The following DIS3L2 variants were observed in gnomAD, a reference collection of about 807,000 sequenced individuals.
DIS3L2 encodes the protein DIS3 like 3'-5' exoribonuclease 2.
A neutral mutation model predicts 97.5 loss-of-function variants in DIS3L2; 34 were observed. The observed-to-expected ratio is 0.35, with a 90% CI of 0.27 to 0.46. The LOEUF (loss-of-function observed/expected upper bound fraction) is 0.46. Ranked by LOEUF, DIS3L2 falls within the 20% of genes least tolerant of loss-of-function variation. DIS3L2 has a pLI of 1.00. For synonymous variants in DIS3L2, 435 were observed against 445.2 expected, an observed-to-expected ratio of 0.98 and a Z score of 0.29; for missense variants, 1,038 against 1,146.0, an observed-to-expected ratio of 0.91 and a Z score of 1.36.
chr2:231,990,819 C>T (rs1055418219), intron 1 of DIS3L2, among the ~76,000 whole-genome samples: 1 of 152,142 alleles, frequency 6.6e-6, no homozygotes, highest in African/African-American at 2.4e-5. Context: ...TACTTCCTGC[C>T]ATTACCGATG....
At chr2:232,050,631 C>G (rs1029345063) in intron 5 of DIS3L2, among the ~76,000 whole-genome samples, 1 of 152,150 alleles carries the variant, frequency 6.6e-6, no homozygotes, top group Non-Finnish European at 1.5e-5. Flanking sequence ...TCTTTACGTT[C>G]TTTTCCAGAT....
chr2:232,164,702 G>T (rs932830534), intron 9 of DIS3L2, among the ~76,000 whole-genome samples: 1 of 152,198 alleles, frequency 6.6e-6, no homozygotes, highest in South Asian at 2.1e-4. Flanking sequence ...TTTCCTACTT[G>T]TTAGTATCTC....
chr2:232,284,056 G>T (rs1694365113), intron 13 of DIS3L2, among the ~76,000 whole-genome samples: 2 of 152,074 alleles, frequency 1.3e-5, no homozygotes, highest in African/African-American at 4.8e-5. Context: ...AGAATAAAAA[G>T]TGGGTTGTTT....
At chr2:232,163,950 A>G (rs1690731048) in intron 9 of DIS3L2, among the ~76,000 whole-genome samples, 1 of 152,260 alleles carries the variant, frequency 6.6e-6, no homozygotes, top group Non-Finnish European at 1.5e-5. Context: ...GAACATGGCC[A>G]TGCTTATTCA....
intron 13 of DIS3L2, among the ~76,000 whole-genome samples, chr2:232,285,866 G>A (rs1308732122): frequency 6.6e-6 from 1 of 152,156 alleles, no homozygotes. Context: ...CCTTTGTGGG[G>A]ATCACAAAGA....
At chr2:232,183,385 GT>G (rs1691345093) in intron 9 of DIS3L2, among the ~76,000 whole-genome samples, 1 of 152,212 alleles carries the variant, frequency 6.6e-6, no homozygotes, top group South Asian at 2.1e-4. Flanking sequence ...TTTGAAAACA[GT>G]AAGTCTCTTA....
chr2:232,033,546 G>A (rs1051226039), intron 5 of DIS3L2, among the ~76,000 whole-genome samples: 2 of 152,080 alleles, frequency 1.3e-5, no homozygotes, highest in Non-Finnish European at 2.9e-5. Flanking sequence ...CTTGTCTTGT[G>A]CCGGTTTTCA....
intron 9 of DIS3L2, among the ~76,000 whole-genome samples, chr2:232,208,877 A>T (rs1692106696): frequency 6.6e-6 from 1 of 151,966 alleles, no homozygotes; most frequent in Non-Finnish European, 1.5e-5. Flanking sequence ...AAAGTTTTAA[A>T]ACTACTCCAG....
rs747739911 is a variant in DIS3L2 at position 232,333,980 on chromosome 2, C to T, written c.2151C>T (p.Ala717=). ...TCCTGGTGCACCGCCTCCTGGCTGC[C>T]GCGTTAGGTGAGGGGTGCAGTCGGG... The part of the protein sequence containing the change: ...ADVLVHRLLA[A]ALGYRERLDM... The change falls in exon 17 of 21, where the codon GCC becomes GCT. Residue 717 remains alanine, a synonymous_variant. Coordinates refer to ENST00000325385, the MANE Select transcript of DIS3L2 (RefSeq NM_152383.5). The T allele has an allele frequency of 5.0e-6, 8 of 1,610,250 alleles. No homozygotes were observed. The highest frequency in any genetic ancestry group is 3.3e-5 in the South Asian group (3 of 90,754).
chr2:232,196,407 G>A (rs1347699874), intron 9 of DIS3L2, among the ~76,000 whole-genome samples: 2 of 152,080 alleles, frequency 1.3e-5, no homozygotes, highest in Non-Finnish European at 2.9e-5. Context: ...TTTATAAAAC[G>A]GTGCCAGGCC....
At chr2:231,970,758 T>C (rs1692881273) in intron 1 of DIS3L2, among the ~76,000 whole-genome samples, 1 of 152,204 alleles carries the variant, frequency 6.6e-6, no homozygotes, top group Non-Finnish European at 1.5e-5. Context: ...AAACATTTTT[T>C]CTTTCTTCAA....
At chr2:232,343,322 A>G in intron 13 of DIS3L2, 1 of 1,551,648 alleles carries the variant, frequency 6.4e-7, no homozygotes, top group African/African-American at 1.4e-5. Flanking sequence ...CTCCTCATCC[A>G]GGAGACACGG....
In DIS3L2 at chr2:232,007,669, A is replaced by G. The variant is rs189087788; in HGVS notation, c.-93-7166A>G. On this transcript the variant is annotated intron_variant, in intron 1 of 20. Transcript: ENST00000325385. ...AAAATACAAGAGAATATTTTGAACAACATTCTACTCCCACCATGAAATGTT... is the reference window on the plus strand; with the variant it reads ...AAAATACAAGAGAATATTTTGAACAGCATTCTACTCCCACCATGAAATGTT... Among the ~76,000 whole-genome samples the G allele has an allele frequency of 1.5e-3, 227 of 152,368 alleles. 2 individuals are homozygous for G. The highest frequency in any genetic ancestry group is 5.1e-3 in the African/African-American group (214 of 41,584).
intron 9 of DIS3L2, among the ~76,000 whole-genome samples, chr2:232,167,656 T>C (rs553255354): frequency 3.9e-5 from 6 of 152,356 alleles, no homozygotes; most frequent in African/African-American, 1.4e-4. Context: ...TCTTTTCTGA[T>C]GTCAGTTCTT....
chr2:231,981,634 A>ATG (rs1160672581), intron 1 of DIS3L2, among the ~76,000 whole-genome samples: 5 of 138,222 alleles, frequency 3.6e-5, no homozygotes, highest in African/African-American at 1.3e-4. Flanking sequence ...ATATATATAT[A>ATG]TATGAGACAT....
At chr2:232,004,253 G>T (rs1457242211) in intron 1 of DIS3L2, among the ~76,000 whole-genome samples, 2 of 151,652 alleles carry the variant, frequency 1.3e-5, no homozygotes, top group Non-Finnish European at 2.9e-5. Flanking sequence ...TTGTATTTTT[G>T]GTAAAGACGG....
At chr2:232,217,857 G>A (rs927277868) in intron 10 of DIS3L2, among the ~76,000 whole-genome samples, 5 of 152,144 alleles carry the variant, frequency 3.3e-5, no homozygotes, top group South Asian at 2.1e-4. Flanking sequence ...GGCTTCATTC[G>A]ATAGGCATGA....
rs564889835 is a variant in DIS3L2 at position 232,336,368 on chromosome 2, C to T, written c.2497-101C>T. On this transcript the variant is annotated intron_variant, in intron 20 of 20. Coordinates refer to ENST00000325385, the MANE Select transcript of DIS3L2 (RefSeq NM_152383.5). The stretch of plus-strand genomic sequence containing the variant: ...CAGGCGAGCAGAGGCTTCCAGAGGC[C>T]GAAGGAGGGGCCAGGGGTCCTGCTG... The T allele has an allele frequency of 7.9e-5, 122 of 1,548,716 alleles. 1 individual carries two copies. The highest frequency in any genetic ancestry group is 5.8e-4 in the South Asian group (48 of 83,404).
chr2:232,184,194 T>A (rs975747276), intron 9 of DIS3L2, among the ~76,000 whole-genome samples: 2 of 152,216 alleles, frequency 1.3e-5, no homozygotes, highest in Non-Finnish European at 2.9e-5. Flanking sequence ...TATGAAGTAG[T>A]AGCTTTTCAG....
Sources: gnomAD v4.1 joint callset for allele counts (sites outside exome capture counted in the v4.1 genomes callset) on GRCh38, gnomAD v4.1.1 for gene constraint, MANE v1.5 for transcripts, NCBI Gene and HGNC (gene_info 2026-07-23, HGNC 2026-07-21) for gene names.